RYR2: variants seen among roughly 807,000 people sequenced by gnomAD.
RYR2 encodes the protein cardiac muscle ryanodine receptor-calcium release channel.
Under a neutral mutation model 601.1 loss-of-function variants are expected in RYR2, and 227 were observed. The ratio of observed to expected loss-of-function variants is 0.38; its 90% CI spans 0.34 to 0.42. RYR2 has a LOEUF of 0.42. Among genes scored for constraint, RYR2 ranks in the 10% least tolerant of loss-of-function variants. The pLI, the probability that RYR2 is intolerant of heterozygous loss-of-function variation, is 1.00. For missense variants in RYR2, 4,646 were observed against 6,156.5 expected (o/e 0.75, Z 8.21); for synonymous variants, 2,223 against 2,175.1 (o/e 1.02, Z -0.61).
chr1:237,488,454 C>T (rs1478713802), intron 17 of RYR2, among the ~76,000 whole-genome samples: 1 of 152,100 alleles, frequency 6.6e-6, no homozygotes, highest in Non-Finnish European at 1.5e-5. Context: ...GGCACTAATC[C>T]CATTCTTAAG....
rs727504792 is a variant in RYR2, at chr1:237,614,767, A to T, written c.5639A>T (p.Glu1880Val). Reference protein sequence around the residue: ...VDDAKLQGAGEEEAKGGKRPK... With the variant: ...VDDAKLQGAGVEEAKGGKRPK... ...GATGCAAAGCTGCAAGGAGCTGGTGAGGAAGAAGCCAAGGGGGGCAAGCGG... is the reference window on the plus strand; with the variant it reads ...GATGCAAAGCTGCAAGGAGCTGGTGTGGAAGAAGCCAAGGGGGGCAAGCGG... The change falls in exon 37 of 105, where the codon GAG becomes GTG. Residue 1880 changes from glutamate to valine, a missense_variant. This residue lies in a region of RYR2 where 1,807 missense variants were observed against 2,088.1 expected (regional missense o/e 0.87). Transcript: ENST00000366574. The surrounding 1 kb of genome is among the most constrained non-coding windows in gnomAD (Gnocchi z 4.3). 6.2e-7 allele frequency: 1 copy of T among 1,612,400 alleles called. No homozygotes were observed. The highest frequency in any genetic ancestry group is 8.5e-7 in the Non-Finnish European group (1 of 1,178,636).
At chr1:237,683,864 T>A (rs1042711580) in intron 62 of RYR2, among the ~76,000 whole-genome samples, 6 of 152,022 alleles carry the variant, frequency 3.9e-5, no homozygotes, top group Admixed American at 3.3e-4. Flanking sequence ...CAGGCTATAG[T>A]GTTGGAAGTG....
chr1:237,674,297 G>A, intron 59 of RYR2, 78 bp downstream of exon 59: 3 of 1,139,852 alleles, frequency 2.6e-6, no homozygotes, highest in South Asian at 2.8e-5. Flanking sequence ...ATTTAAAGCT[G>A]AAAATGAATT....
intron 1 of RYR2, among the ~76,000 whole-genome samples, chr1:237,082,558 A>ATATATATAT (rs1558200818): frequency 2.3e-3 from 55 of 24,196 alleles, no homozygotes; most frequent in Middle Eastern, 0.042. Flanking sequence ...TATATATATA[A>ATATATATAT]AATCGGATAT....
chr1:237,690,558 G>T (rs1025424863), intron 63 of RYR2, among the ~76,000 whole-genome samples: 2 of 151,968 alleles, frequency 1.3e-5, no homozygotes, highest in African/African-American at 4.8e-5. Flanking sequence ...AGTAGACTTA[G>T]CCCTTTAAAA....
intron 1 of RYR2, among the ~76,000 whole-genome samples, chr1:237,229,206 G>A (rs1312066768): frequency 6.6e-6 from 1 of 152,102 alleles, no homozygotes; most frequent in African/African-American, 2.4e-5. Flanking sequence ...GATAAACCTG[G>A]AAAAATACTT....
intron 10 of RYR2, among the ~76,000 whole-genome samples, chr1:237,389,928 T>C (rs959706177): frequency 6.6e-6 from 1 of 152,120 alleles, no homozygotes; most frequent in Non-Finnish European, 1.5e-5. Context: ...TAGATGTGTT[T>C]GTCGATTGGG....
intron 51 of RYR2, among the ~76,000 whole-genome samples, chr1:237,652,650 T>C (rs1682878912): frequency 6.6e-6 from 1 of 152,220 alleles, no homozygotes; most frequent in Admixed American, 6.5e-5. Context: ...AATTATATCC[T>C]TGATAAAAAT....
chr1:237,425,646 C>T lies in RYR2; in HGVS notation c.1005+2398C>T, dbSNP rs1457547196. ...AAGACTCTGTCTCAAAAAAAAAAAG[C>T]TATAAGGAAGATAAAATATATTTTC... On this transcript the variant is annotated intron_variant, in intron 12 of 104. Coordinates refer to ENST00000366574, the MANE Select transcript of RYR2 (RefSeq NM_001035.3). Among the ~76,000 whole-genome samples the T allele has an allele frequency of 3.3e-5, 5 of 151,332 alleles. No individual in the cohort carries two copies. The East Asian group carries it at 9.7e-4, about 29-fold the overall frequency.
At chr1:237,523,745 A>T (rs1341554477) in intron 24 of RYR2, among the ~76,000 whole-genome samples, 1 of 152,086 alleles carries the variant, frequency 6.6e-6, no homozygotes, top group Non-Finnish European at 1.5e-5. Context: ...TCAAAAAAAA[A>T]AAAGGCAAAA....
chr1:237,619,471 A>C (rs1012983597), intron 38 of RYR2, among the ~76,000 whole-genome samples: 3 of 152,224 alleles, frequency 2.0e-5, no homozygotes, highest in African/African-American at 7.2e-5. Context: ...CAACTACCCC[A>C]TCTGAAGAAA....
At chr1:237,730,849 A>G (rs141812328) in intron 77 of RYR2, among the ~76,000 whole-genome samples, 24 of 152,252 alleles carry the variant, frequency 1.6e-4, no homozygotes, top group Non-Finnish European at 3.2e-4. Context: ...GACTGTGCTG[A>G]TAAAGAGCTT....
At chr1:237,092,815 G>A (rs1355491562) in intron 1 of RYR2, among the ~76,000 whole-genome samples, 4 of 152,190 alleles carry the variant, frequency 2.6e-5, no homozygotes, top group Non-Finnish European at 4.4e-5. Flanking sequence ...ATAGGCGTGA[G>A]CCACCGTGTC....
At chr1:237,692,372 T>C (rs886617941) in intron 63 of RYR2, among the ~76,000 whole-genome samples, 1 of 152,214 alleles carries the variant, frequency 6.6e-6, no homozygotes, top group African/African-American at 2.4e-5. Flanking sequence ...AATCCCCTCC[T>C]GCTTCTCTCA....
intron 5 of RYR2, among the ~76,000 whole-genome samples, chr1:237,367,816 A>AT (rs1700324576): frequency 6.6e-6 from 1 of 152,096 alleles, no homozygotes; most frequent in South Asian, 2.1e-4. Context: ...ACCCCTTTAT[A>AT]CATACTCCTT....
chr1:237,456,865 C>A, intron 16 of RYR2, 130 bp downstream of exon 16: 1 of 1,022,704 alleles, frequency 9.8e-7, no homozygotes, highest in Non-Finnish European at 1.4e-6. Flanking sequence ...TCATTTGAGG[C>A]CAGGAATTTG....
At chr1:237,488,991 G>C (rs1663022398) in intron 17 of RYR2, among the ~76,000 whole-genome samples, 1 of 152,282 alleles carries the variant, frequency 6.6e-6, no homozygotes, top group South Asian at 2.1e-4. Flanking sequence ...TACTATTACA[G>C]GCCGCGTGGA....
intron 38 of RYR2, among the ~76,000 whole-genome samples, chr1:237,617,944 G>C (rs1209753365): frequency 6.6e-6 from 1 of 152,092 alleles, no homozygotes; most frequent in Non-Finnish European, 1.5e-5. Flanking sequence ...CCCAAAGTCA[G>C]GTCTCCTGAG....
At chr1:237,092,821 G>A (rs749187696) in intron 1 of RYR2, among the ~76,000 whole-genome samples, 2 of 152,154 alleles carry the variant, frequency 1.3e-5, no homozygotes, top group Non-Finnish European at 2.9e-5. Context: ...GTGAGCCACC[G>A]TGTCTGGCCA....
Sources: gnomAD v4.1 joint callset for allele counts (sites outside exome capture counted in the v4.1 genomes callset) on GRCh38, gnomAD v4.1.1 for gene constraint, gnomAD v4.1.1 regional missense constraint, Gnocchi (gnomAD v3.1) non-coding constraint, MANE v1.5 for transcripts, NCBI Gene and HGNC (gene_info 2026-07-23, HGNC 2026-07-21) for gene names.